Variants in HDGF observed in about 807,000 individuals in gnomAD.
The protein encoded by HDGF is hepatoma-derived growth factor.
Under a neutral mutation model 30.0 loss-of-function variants are expected in HDGF, and 5 were observed. That is an observed-to-expected ratio of 0.17 (90% confidence interval 0.09 to 0.35). The LOEUF is 0.35. HDGF is among the 10% of genes least tolerant of loss of function. HDGF has a pLI of 1.00. For synonymous variants in HDGF, 133 were observed against 112.7 expected, an observed-to-expected ratio of 1.18 and a Z score of -1.14; for missense variants, 214 against 302.8, an observed-to-expected ratio of 0.71 and a Z score of 2.18.
Position 156,743,465 on chromosome 1 carries a change from A to G in HDGF, c.717-10T>C. The G allele has an allele frequency of 6.6e-7, 1 of 1,520,246 alleles. No individual in the cohort carries two copies. The highest frequency in any genetic ancestry group is 8.8e-7 in the Non-Finnish European group (1 of 1,134,968). 94.2% of individuals were successfully genotyped at this position (1,520,246 alleles called of 1,614,324 possible). On this transcript the variant is annotated splice_polypyrimidine_tract_variant and intron_variant, in intron 5 of 5. Transcript: ENST00000357325. ...CATTGGTGGCTACAGGCTGTGAGGG[A>G]GGGTTGGAGGGGAGAAGGGTTAATG...
chr1:156,749,484 A>G (rs886972716), intron 1 of HDGF, among the ~76,000 whole-genome samples: 4 of 152,302 alleles, frequency 2.6e-5, no homozygotes, highest in African/African-American at 7.2e-5. Flanking sequence ...AGAGACAGGC[A>G]AAGTGTGGGG....
chr1:156,752,017 C>T (rs771612224), upstream of HDGF: 43 of 1,549,578 alleles, frequency 2.8e-5, no homozygotes, highest in South Asian at 4.6e-4. Context: ...CGCCCTTCCC[C>T]CGACTCCGCG....
chr1:156,756,793 C>CTTTTTTTT (rs558782106), upstream of HDGF, among the ~76,000 whole-genome samples: 1 of 122,444 alleles, frequency 8.2e-6, no homozygotes, highest in Non-Finnish European at 1.7e-5. Flanking sequence ...AAAAGGTGGT[C>CTTTTTTTT]TTTTTTTTTT....
chr1:156,751,884 C>T (rs960862337), upstream of HDGF: 27 of 948,898 alleles, frequency 2.8e-5, no homozygotes, highest in Non-Finnish European at 3.6e-5. The surrounding 1 kb of genome is among the most constrained non-coding windows in gnomAD (Gnocchi z 4.7). Context: ...CGCCTGACGG[C>T]GCGTGGCGGC....
In HDGF at chr1:156,744,026, G is replaced by A. The variant is rs572522785; in HGVS notation, c.489+137C>T. The A allele has an allele frequency of 1.9e-5, 20 of 1,074,814 alleles. No individual in the cohort carries two copies. The Admixed American group carries it at 2.4e-4, about 13-fold the overall frequency. 66.6% of individuals were successfully genotyped at this position (1,074,814 alleles called of 1,614,324 possible). A position where few individuals can be genotyped will look rare whatever the true frequency, so the allele number is the denominator to read the frequency against. ...TGAAATGCCTTCTGTGTCCCATCTG[G>A]TCAGCTGGGGACTCCCCAAGACTAG... is the stretch of plus-strand genomic sequence containing the variant. On this transcript the variant is annotated intron_variant, in intron 4 of 5. Transcript: ENST00000357325.
upstream of HDGF, chr1:156,752,456 T>G: frequency 1.7e-6 from 2 of 1,183,230 alleles, no homozygotes; most frequent in Non-Finnish European, 2.4e-6. Flanking sequence ...TCTAGTCGGT[T>G]ACGGTAGAAT....
At chr1:156,750,700 T>G (rs945366175) in intron 1 of HDGF, 1 of 152,376 alleles carries the variant, frequency 6.6e-6, no homozygotes, top group African/African-American at 2.4e-5. Flanking sequence ...AGCTGAGGGC[T>G]GATGGGTTCT....
chr1:156,761,743 C>G (rs575603835), intron 1 of HDGF, among the ~76,000 whole-genome samples: 1 of 150,684 alleles, frequency 6.6e-6, no homozygotes, highest in African/African-American at 2.4e-5. Flanking sequence ...GTCAAGAGAT[C>G]GAGACCATCC....
At chr1:156,753,235 G>A (rs772416010), upstream of HDGF, among the ~76,000 whole-genome samples, 1 of 152,164 alleles carries the variant, frequency 6.6e-6, no homozygotes, top group Non-Finnish European at 1.5e-5. Context: ...TGTGATAAGA[G>A]GCACACCAGG....
Position 156,758,600 on chromosome 1 carries a change from A to AAT in HDGF, n.373+382_373+383insAT, listed in dbSNP as rs1558039727. 6.1e-3 allele frequency among the ~76,000 whole-genome samples: 637 copies of AAT among 105,216 alleles called. 80 individuals carry two copies. The South Asian group carries it at 0.18, about 30-fold the overall frequency. The allele number at this position is 105,216 out of a possible 152,430, so 69.0% of individuals were successfully genotyped here. On this transcript the variant is annotated intron_variant and non_coding_transcript_variant, in intron 2 of 7. Transcript: ENST00000465180. The stretch of plus-strand genomic sequence containing the variant: ...AGAGCGAGACTCCGTCTCAAAAAAA[A>AAT]AAATAAATAAATAAATAAATAAAAA...
intron 1 of HDGF, among the ~76,000 whole-genome samples, chr1:156,750,089 T>TG (rs1013517887): frequency 6.6e-6 from 1 of 151,866 alleles, no homozygotes; most frequent in Non-Finnish European, 1.5e-5. Flanking sequence ...TCCTGAGGAG[T>TG]GGGTACAGAG....
chr1:156,752,204 C>T (rs1558037520), upstream of HDGF: 1 of 1,551,790 alleles, frequency 6.4e-7, no homozygotes, highest in Admixed American at 2.0e-5. Flanking sequence ...GCACTGGGGT[C>T]CTCTCTGGAC....
At position 156,751,556 on chromosome 1, in the gene HDGF, C is replaced by A. The variant is rs565989356; in HGVS notation, c.-127G>T. 10 of 994,480 alleles carry A rather than the reference C, an allele frequency of 1.0e-5. No individual in the cohort carries two copies. In the South Asian group the frequency reaches 4.6e-4, roughly 46 times the overall value. The allele number at this position is 994,480 out of a possible 1,614,324, so 61.6% of individuals were successfully genotyped here. A position where few individuals can be genotyped will look rare whatever the true frequency, so the allele number is the denominator to read the frequency against. On this transcript the variant is annotated 5_prime_UTR_variant, in exon 1 of 6. Transcript: ENST00000357325. This position sits in a 1 kb window ranked among gnomAD's most constrained non-coding sequence, Gnocchi z 4.7. ...CGGCCCCCGCCTCGATGGTGGCCCC[C>A]GGCCCGAGCTCCGGCGCGGCCACGG...
In HDGF at chr1:156,760,349, G is replaced by A. The variant is rs180685464; in HGVS notation, n.137-1130C>T. On this transcript the variant is annotated intron_variant and non_coding_transcript_variant, in intron 1 of 7. Transcript: ENST00000465180. ...GACTCAGGGAGGCGTGTGGGTGAGG[G>A]GGGGCCAAGTCCTCTTTTCTCGACT... Among the ~76,000 whole-genome samples, 4 of 152,300 alleles carry A rather than the reference G, an allele frequency of 2.6e-5. No homozygotes were observed. In the South Asian group the frequency reaches 8.3e-4, roughly 32 times the overall value.
At chr1:156,750,222 G>A (rs1650866285) in intron 1 of HDGF, among the ~76,000 whole-genome samples, 1 of 152,064 alleles carries the variant, frequency 6.6e-6, no homozygotes, top group African/African-American at 2.4e-5. Flanking sequence ...CAGTCCTTCT[G>A]CCCTTGGATT....
chr1:156,751,378 C>G lies in HDGF; in HGVS notation c.52G>C (p.Ala18Pro), dbSNP rs763557184. 6.2e-7 allele frequency: 1 copy of G among 1,609,850 alleles called. No homozygotes were observed. The highest frequency in any genetic ancestry group is 8.5e-7 in the Non-Finnish European group (1 of 1,177,908). The change falls in exon 1 of 6, where the codon GCC becomes CCC. Residue 18 changes from alanine to proline, a missense_variant. Physicochemically the swap from Ala to Pro is conservative, Grantham distance 27. Transcript: ENST00000357325. This position sits in a 1 kb window ranked among gnomAD's most constrained non-coding sequence, Gnocchi z 4.7. ...CAGTGTGGGTAGCCCTTCATCTTGG[C>G]GAACACCAGGTCCCCGCATTTGTAC... ...KEYKCGDLVF[A>P]KMKGYPHWPA...
chr1:156,762,990 G>C (rs1651277423), intron 1 of HDGF, among the ~76,000 whole-genome samples: 2 of 152,160 alleles, frequency 1.3e-5, no homozygotes, highest in South Asian at 2.1e-4. Context: ...AGGCCACCTT[G>C]GTTCTCAGCT....
intron 1 of HDGF, among the ~76,000 whole-genome samples, chr1:156,745,647 T>C (rs1029381152): frequency 6.6e-6 from 1 of 152,206 alleles, no homozygotes; most frequent in African/African-American, 2.4e-5. Context: ...CAAAGCCCCC[T>C]GACTTTGCCA....
At chr1:156,766,068 A>G (rs955484679) in intron 1 of HDGF, among the ~76,000 whole-genome samples, 2 of 152,166 alleles carry the variant, frequency 1.3e-5, no homozygotes, top group African/African-American at 4.8e-5. Flanking sequence ...ATTTTTCAGA[A>G]GCTTTCCTAG....
Sources: allele counts gnomAD v4.1 joint callset (sites outside exome capture counted in the v4.1 genomes callset), GRCh38; gene constraint gnomAD v4.1.1; non-coding constraint Gnocchi (gnomAD v3.1); transcripts MANE v1.5; gene names NCBI Gene and HGNC (gene_info 2026-07-23, HGNC 2026-07-21).